SLC24A3: variants seen among roughly 807,000 people sequenced by gnomAD.
SLC24A3 encodes solute carrier family 24 member 3.
A neutral mutation model predicts 75.8 loss-of-function variants in SLC24A3; 28 were observed. The ratio of observed to expected loss-of-function variants is 0.37; its 90% confidence interval spans 0.27 to 0.51. The LOEUF is 0.51. Among genes scored for constraint, SLC24A3 ranks in the 20% least tolerant of loss-of-function variants. The pLI, the probability that SLC24A3 is intolerant of heterozygous loss-of-function variation, is 0.94. For synonymous variants in SLC24A3, 372 were observed against 334.1 expected (o/e 1.11, Z -1.24); for missense variants, 663 against 847.8 (o/e 0.78, Z 2.71).
intron 2 of SLC24A3, among the ~76,000 whole-genome samples, chr20:19,435,710 C>T (rs1336909094): frequency 2.0e-5 from 3 of 152,186 alleles, no homozygotes; most frequent in Non-Finnish European, 4.4e-5. Context: ...CTGTAGTTTT[C>T]TCGTCTGTCT....
chr20:19,437,438 G>A (rs111764157), intron 2 of SLC24A3, among the ~76,000 whole-genome samples: 3,736 of 152,278 alleles, frequency 0.025, 139 homozygotes, highest in East Asian at 0.11. Context: ...CCAGCCATGC[G>A]GAACTGTGAG....
chr20:19,678,439 G>A (rs1458594657), intron 9 of SLC24A3, among the ~76,000 whole-genome samples: 7 of 133,464 alleles, frequency 5.2e-5, no homozygotes, highest in African/African-American at 2.1e-4. Context: ...TCACCTCCCG[G>A]ACGGGGCGGC....
chr20:19,663,126 T>A (rs2032349637), intron 7 of SLC24A3, among the ~76,000 whole-genome samples: 1 of 152,002 alleles, frequency 6.6e-6, no homozygotes, highest in African/African-American at 2.4e-5. Flanking sequence ...TGGAATGCAG[T>A]GGCCAGATCA....
chr20:19,669,108 G>A (rs1254191182), intron 8 of SLC24A3, among the ~76,000 whole-genome samples: 1 of 152,192 alleles, frequency 6.6e-6, no homozygotes, highest in Non-Finnish European at 1.5e-5. Context: ...TCCATTTGCT[G>A]CCTCAACCTA....
chr20:19,278,942 G>C (rs1983573009), intron 1 of SLC24A3, among the ~76,000 whole-genome samples: 1 of 152,242 alleles, frequency 6.6e-6, no homozygotes, highest in Admixed American at 6.5e-5. Context: ...CACAGGCATT[G>C]TGATTTCCAG....
chr20:19,551,003 G>A (rs985127450), intron 3 of SLC24A3, among the ~76,000 whole-genome samples: 7 of 152,232 alleles, frequency 4.6e-5, no homozygotes, highest in Non-Finnish European at 8.8e-5. Flanking sequence ...CATCTTTAGC[G>A]TGCTGTTTGG....
intron 2 of SLC24A3, among the ~76,000 whole-genome samples, chr20:19,306,059 TA>T (rs1984320191): frequency 6.6e-6 from 1 of 152,044 alleles, no homozygotes; most frequent in African/African-American, 2.4e-5. Flanking sequence ...TAAAAATGGG[TA>T]AAGGACATAA....
At chr20:19,500,709 T>G (rs1988371583) in intron 2 of SLC24A3, among the ~76,000 whole-genome samples, 1 of 152,186 alleles carries the variant, frequency 6.6e-6, no homozygotes, top group Admixed American at 6.5e-5. Flanking sequence ...CTAAGTTATT[T>G]TACCCCACCC....
Position 19,338,171 on chromosome 20 carries a change from G to A in SLC24A3, c.271+57084G>A, listed in dbSNP as rs1429463934. ...TAATAGAAAGAAGCTATTAAATAAA[G>A]CTTTTCATTAGGAAGTTTCGCATGG... On this transcript the variant is annotated intron_variant, in intron 2 of 16. Transcript: ENST00000328041. Among the ~76,000 whole-genome samples the A allele has an allele frequency of 2.0e-5, 3 of 152,304 alleles. No individual in the cohort carries two copies. The South Asian group carries it at 6.2e-4, about 32-fold the overall frequency.
At chr20:19,678,678 C>A in intron 9 of SLC24A3, among the ~76,000 whole-genome samples, 1 of 147,774 alleles carries the variant, frequency 6.8e-6, no homozygotes, top group Non-Finnish European at 1.5e-5. Flanking sequence ...CGGCGGCTGC[C>A]GGGCGGAGAC....
chr20:19,595,257 C>A (rs988817297), intron 6 of SLC24A3, among the ~76,000 whole-genome samples: 1 of 152,164 alleles, frequency 6.6e-6, no homozygotes, highest in Non-Finnish European at 1.5e-5. Context: ...GCTGTGAGCT[C>A]CCCAAGAATG....
At chr20:19,322,276 A>G (rs1278319844) in intron 2 of SLC24A3, among the ~76,000 whole-genome samples, 1 of 151,846 alleles carries the variant, frequency 6.6e-6, no homozygotes, top group Non-Finnish European at 1.5e-5. Flanking sequence ...CATTTCTTCT[A>G]CGTTAGCTGG....
At chr20:19,589,485 G>C (rs943874696) in intron 6 of SLC24A3, among the ~76,000 whole-genome samples, 12 of 152,328 alleles carry the variant, frequency 7.9e-5, no homozygotes, top group African/African-American at 2.6e-4. Context: ...CTAGGGGACA[G>C]CAGTGGAAAG....
rs200186401 is a variant in SLC24A3 at position 19,592,199 on chromosome 20, T to TC, written c.612+6658dup. 2.0e-3 allele frequency among the ~76,000 whole-genome samples: 301 copies of TC among 152,272 alleles called. 2 individuals are homozygous for TC. In the East Asian group the frequency reaches 0.026, roughly 13 times the overall value. ...CGTCACTGTGGTTTTAATTTGCATT[T>TC]CCCTGACGAGCCATAATGTTGGGCA... On this transcript the variant is annotated intron_variant, in intron 6 of 16. Coordinates refer to ENST00000328041, the MANE Select transcript of SLC24A3 (RefSeq NM_020689.4).
chr20:19,619,203 C>T (rs2031774081), intron 6 of SLC24A3, among the ~76,000 whole-genome samples: 1 of 152,140 alleles, frequency 6.6e-6, no homozygotes, highest in Non-Finnish European at 1.5e-5. Context: ...GGCTCCCAGG[C>T]TAGGTCAGAA....
intron 6 of SLC24A3, among the ~76,000 whole-genome samples, chr20:19,603,950 G>T (rs1189595767): frequency 6.6e-6 from 1 of 152,130 alleles, no homozygotes; most frequent in African/African-American, 2.4e-5. Flanking sequence ...TCGAAAGGAA[G>T]CTCAAGGCTC....
At chr20:19,561,261 A>G (rs2030870758) in intron 3 of SLC24A3, among the ~76,000 whole-genome samples, 1 of 152,202 alleles carries the variant, frequency 6.6e-6, no homozygotes, top group African/African-American at 2.4e-5. Flanking sequence ...ACAGATGTGG[A>G]ACAGATGGGC....
At chr20:19,301,743 A>AC (rs1845025094) in intron 2 of SLC24A3, among the ~76,000 whole-genome samples, 2 of 151,260 alleles carry the variant, frequency 1.3e-5, no homozygotes, top group Admixed American at 6.6e-5. Context: ...TGGTTTGATG[A>AC]CCCCCCTCAG....
chr20:19,510,230 G>A (rs186584753), intron 2 of SLC24A3, among the ~76,000 whole-genome samples: 292 of 152,230 alleles, frequency 1.9e-3, no homozygotes, highest in Admixed American at 3.2e-3. Flanking sequence ...CTAACATGGT[G>A]GAACAGGATA....
Sources: allele counts gnomAD v4.1 joint callset (sites outside exome capture counted in the v4.1 genomes callset), GRCh38; gene constraint gnomAD v4.1.1; transcripts MANE v1.5; gene names NCBI Gene and HGNC (gene_info 2026-07-23, HGNC 2026-07-21).